Variants in SNTG2 observed in about 807,000 individuals in gnomAD.
SNTG2 encodes the protein gamma-2-syntrophin.
In SNTG2, 74 loss-of-function variants were observed where a neutral mutation model predicts 70.9. The observed-to-expected ratio is 1.04, with a 90% CI of 0.86 to 1.27. SNTG2 has a LOEUF of 1.27. Ranked by LOEUF, SNTG2 falls within the 50% of genes most tolerant of loss-of-function variation. The pLI, the probability that SNTG2 is intolerant of heterozygous loss-of-function variation, is 0.00. For missense variants in SNTG2, 717 were observed against 690.7 expected (o/e 1.04, Z -0.43); for synonymous variants, 278 against 273.8 (o/e 1.02, Z -0.15).
intron 12 of SNTG2, among the ~76,000 whole-genome samples, chr2:1,255,368 G>T (rs1019811914): frequency 6.6e-6 from 1 of 152,020 alleles, no homozygotes; most frequent in African/African-American, 2.4e-5. Context: ...AAAACATCAA[G>T]AACACCAATG....
chr2:1,133,287 A>C (rs1668143162), intron 4 of SNTG2, among the ~76,000 whole-genome samples: 2 of 152,260 alleles, frequency 1.3e-5, no homozygotes, highest in African/African-American at 4.8e-5. Context: ...ATGAATAAAT[A>C]TTTAACAGAA....
At chr2:1,134,745 G>C (rs1668258445) in intron 4 of SNTG2, among the ~76,000 whole-genome samples, 2 of 152,204 alleles carry the variant, frequency 1.3e-5, no homozygotes, top group Admixed American at 1.3e-4. Context: ...CCATTGGGTG[G>C]TTGATGGGAC....
At chr2:1,150,459 G>C (rs1669402765) in intron 6 of SNTG2, among the ~76,000 whole-genome samples, 1 of 152,150 alleles carries the variant, frequency 6.6e-6, no homozygotes. Flanking sequence ...CATTTCATTG[G>C]CTCTAATTGG....
At chr2:1,057,651 T>A (rs1163605611) in intron 1 of SNTG2, among the ~76,000 whole-genome samples, 1 of 152,194 alleles carries the variant, frequency 6.6e-6, no homozygotes, top group Non-Finnish European at 1.5e-5. Context: ...GTCCACTGAC[T>A]CAAATGTTAG....
At chr2:1,017,988 G>A (rs367768504) in intron 1 of SNTG2, among the ~76,000 whole-genome samples, 16 of 152,228 alleles carry the variant, frequency 1.1e-4, no homozygotes, top group African/African-American at 3.6e-4. Flanking sequence ...GTTGGGTTTC[G>A]TCCATCCCTT....
intron 1 of SNTG2, among the ~76,000 whole-genome samples, chr2:1,034,821 A>G (rs76155571): frequency 0.19 from 28,949 of 152,228 alleles, 3,373 homozygotes; most frequent in Middle Eastern, 0.27. Context: ...GAGGCAGAAA[A>G]TTAACAAAGA....
chr2:1,299,137 C>T (rs1052810102), intron 14 of SNTG2, among the ~76,000 whole-genome samples: 4 of 152,186 alleles, frequency 2.6e-5, no homozygotes, highest in South Asian at 2.1e-4. Context: ...TCCCATAAGG[C>T]GCAACATCGG....
intron 1 of SNTG2, among the ~76,000 whole-genome samples, chr2:1,041,221 T>TA (rs1661417737): frequency 6.6e-6 from 1 of 152,202 alleles, no homozygotes; most frequent in African/African-American, 2.4e-5. Context: ...AAAGAACAGT[T>TA]AACCATAGTT....
chr2:1,230,828 T>C lies in SNTG2; in HGVS notation c.720-7060T>C, dbSNP rs140806889. ...CCTGTGCAGTTGAAATGACAGTGCCTCTTCCATAGGGTCACTGCAGGGGTG... is the reference window on the plus strand; with the variant it reads ...CCTGTGCAGTTGAAATGACAGTGCCCCTTCCATAGGGTCACTGCAGGGGTG... On this transcript the variant is annotated intron_variant, in intron 9 of 16. Coordinates refer to ENST00000308624, the MANE Select transcript of SNTG2 (RefSeq NM_018968.4). Among the ~76,000 whole-genome samples, 9 of 152,340 alleles carry C rather than the reference T, an allele frequency of 5.9e-5. No homozygotes were observed. In the East Asian group the frequency reaches 1.5e-3, roughly 26 times the overall value.
chr2:1,338,426 CTTAGCATTTTACT>C (rs1318635849), intron 16 of SNTG2, among the ~76,000 whole-genome samples: 2 of 151,934 alleles, frequency 1.3e-5, no homozygotes, highest in Admixed American at 6.6e-5. Context: ...AAGTTCATTC[CTTAGCATTTTACT>C]TTTTCATCCT....
At chr2:1,135,756 T>C (rs1163331044) in intron 4 of SNTG2, among the ~76,000 whole-genome samples, 1 of 152,180 alleles carries the variant, frequency 6.6e-6, no homozygotes, top group Non-Finnish European at 1.5e-5. Flanking sequence ...CATTATCTCC[T>C]GCACTGGACT....
At chr2:1,196,039 A>C (rs968348474) in intron 8 of SNTG2, among the ~76,000 whole-genome samples, 4 of 152,196 alleles carry the variant, frequency 2.6e-5, no homozygotes, top group Non-Finnish European at 4.4e-5. Context: ...TGCATAACTC[A>C]AACTTTGCAT....
chr2:1,085,836 T>G (rs11895318), intron 2 of SNTG2, among the ~76,000 whole-genome samples: 2,370 of 152,354 alleles, frequency 0.016, 58 homozygotes, highest in African/African-American at 0.054. Context: ...TTGCTTTATT[T>G]CTTTTATAAT....
At chr2:1,209,452 C>G (rs1673894045) in intron 9 of SNTG2, among the ~76,000 whole-genome samples, 1 of 152,174 alleles carries the variant, frequency 6.6e-6, no homozygotes, top group African/African-American at 2.4e-5. Context: ...ATAGTTCTAT[C>G]TAGGGCAAGG....
chr2:1,077,537 C>T (rs932351949), intron 1 of SNTG2, among the ~76,000 whole-genome samples: 4 of 152,162 alleles, frequency 2.6e-5, no homozygotes, highest in Non-Finnish European at 4.4e-5. Context: ...ATGTGAGGCT[C>T]CATGAACCCC....
chr2:1,074,856 AAG>A (rs1663814687), intron 1 of SNTG2, among the ~76,000 whole-genome samples: 1 of 152,254 alleles, frequency 6.6e-6, no homozygotes, highest in Non-Finnish European at 1.5e-5. Flanking sequence ...ATACTATCCT[AAG>A]AGAAACAATA....
At chr2:1,041,026 G>C (rs2148056847) in intron 1 of SNTG2, among the ~76,000 whole-genome samples, 1 of 152,316 alleles carries the variant, frequency 6.6e-6, no homozygotes, top group Middle Eastern at 3.4e-3. Flanking sequence ...AGAGAAAAGG[G>C]AATACCTTTT....
chr2:1,029,129 A>G (rs1231612792), intron 1 of SNTG2, among the ~76,000 whole-genome samples: 3 of 152,114 alleles, frequency 2.0e-5, no homozygotes, highest in African/African-American at 7.2e-5. Flanking sequence ...TCCCCAAATC[A>G]TATATCGAAA....
At position 1,222,109 on chromosome 2, in the gene SNTG2, C is replaced by CTG. The variant is rs760978420; in HGVS notation, c.719+12880_719+12881insGT. Among the ~76,000 whole-genome samples, 49 of 44,564 alleles carry CTG rather than the reference C, an allele frequency of 1.1e-3. 6 individuals are homozygous for CTG. The highest frequency in any genetic ancestry group is 2.6e-3 in the African/African-American group (25 of 9,644). 29.2% of individuals were successfully genotyped at this position (44,564 alleles called of 152,430 possible). A position where few individuals can be genotyped will look rare whatever the true frequency, so the allele number is the denominator to read the frequency against. ...TGTCTCTCTCTGTCTCTCTCTGTCT[C>CTG]TCTCTGTCTCTCTCTGTCTCTCTCT... On this transcript the variant is annotated intron_variant, in intron 9 of 16. Transcript: ENST00000308624.
Sources: gnomAD v4.1 joint callset for allele counts (sites outside exome capture counted in the v4.1 genomes callset) on GRCh38, gnomAD v4.1.1 for gene constraint, MANE v1.5 for transcripts, NCBI Gene and HGNC (gene_info 2026-07-23, HGNC 2026-07-21) for gene names.